The following MCCC1 variants were observed in gnomAD, a reference collection of about 807,000 sequenced individuals.
MCCC1 encodes methylcrotonyl-CoA carboxylase subunit 1.
A neutral mutation model predicts 83.8 loss-of-function variants in MCCC1; 64 were observed. That is an observed-to-expected ratio of 0.76 (90% CI 0.62 to 0.94). The LOEUF is 0.94. Ranked by LOEUF, MCCC1 falls within the 40% of genes least tolerant of loss-of-function variation. The probability of loss-of-function intolerance (pLI) is 0.00; values close to 1 mark genes in which losing one functional copy is unlikely to be tolerated. For synonymous variants in MCCC1, 322 were observed against 315.4 expected (o/e 1.02, Z -0.22); for missense variants, 807 against 904.7 (o/e 0.89, Z 1.39).
chr3:183,060,045 C>G (rs1200378036), intron 7 of MCCC1, among the ~76,000 whole-genome samples: 1 of 152,110 alleles, frequency 6.6e-6, no homozygotes, highest in Non-Finnish European at 1.5e-5. Context: ...AAATTCTTGG[C>G]CATTACTACT....
At chr3:183,108,106 T>A (rs1247451006) in intron 1 of MCCC1, among the ~76,000 whole-genome samples, 1 of 152,218 alleles carries the variant, frequency 6.6e-6, no homozygotes, top group Non-Finnish European at 1.5e-5. Context: ...ATTGGCTTAA[T>A]GTTATTACGC....
At chr3:183,052,583 C>A (rs376355395) in intron 8 of MCCC1, among the ~76,000 whole-genome samples, 1 of 151,800 alleles carries the variant, frequency 6.6e-6, no homozygotes, top group Non-Finnish European at 1.5e-5. Flanking sequence ...CTGAGGCGGG[C>A]GGATCACAAG....
At chr3:183,076,704 T>G (rs1468018770) in intron 4 of MCCC1, among the ~76,000 whole-genome samples, 2 of 152,248 alleles carry the variant, frequency 1.3e-5, no homozygotes, top group African/African-American at 4.8e-5. Context: ...AGTGGGTGCA[T>G]AGTGTTACTG....
intron 3 of MCCC1, chr3:183,090,999 T>A (rs977703163): frequency 2.2e-6 from 1 of 456,548 alleles, no homozygotes; most frequent in African/African-American, 2.0e-5. Context: ...GGAACCTCAA[T>A]TTTATTTTCT....
At chr3:183,082,922 C>T (rs1300744352) in intron 4 of MCCC1, among the ~76,000 whole-genome samples, 1 of 151,862 alleles carries the variant, frequency 6.6e-6, no homozygotes, top group African/African-American at 2.4e-5. Flanking sequence ...TCCATGAGTT[C>T]AAGGCTGCAG....
At chr3:183,069,578 T>C (rs895316530) in intron 7 of MCCC1, among the ~76,000 whole-genome samples, 1 of 152,144 alleles carries the variant, frequency 6.6e-6, no homozygotes, top group Non-Finnish European at 1.5e-5. Flanking sequence ...GGGGGTCTTC[T>C]CTAAGGAGAA....
chr3:183,029,061 T>C lies in MCCC1; in HGVS notation c.1682-3257A>G, dbSNP rs142045329. ...AAGTATAATATAAACATAACTTTTA[T>C]ATGCATGAGGAAACCAAAAACTTTG... On this transcript the variant is annotated intron_variant, in intron 14 of 18. Transcript: ENST00000265594. The C allele has an allele frequency of 6.6e-5, 10 of 152,336 alleles. No individual in the cohort carries two copies. In the East Asian group the frequency reaches 1.9e-3, roughly 29 times the overall value. The allele number at this position is 152,336 out of a possible 1,614,324, so 9.4% of individuals were successfully genotyped here.
rs552361516 is a variant in MCCC1, at chr3:183,075,158, G to C, written c.370-2671C>G. 4.6e-4 allele frequency among the ~76,000 whole-genome samples: 70 copies of C among 152,286 alleles called. 1 individual carries two copies. The highest frequency in any genetic ancestry group is 1.7e-3 in the African/African-American group (70 of 41,540). On this transcript the variant is annotated intron_variant, in intron 4 of 18. Coordinates refer to ENST00000265594, the MANE Select transcript of MCCC1 (RefSeq NM_020166.5). The stretch of plus-strand genomic sequence containing the variant: ...GCTGATTCAATGACTTTGCTATTGT[G>C]AATGATGCAATGAACATACATGCAC...
In MCCC1 at chr3:183,099,355, G is replaced by A; in HGVS notation, c.86C>T (p.Pro29Leu). The change falls in exon 1 of 19, where the codon CCG becomes CTG. Residue 29 changes from proline (P) to leucine (L), a missense_variant. Pro to Leu is a moderately conservative substitution (Grantham distance 98). Coordinates refer to ENST00000265594, the MANE Select transcript of MCCC1 (RefSeq NM_020166.5). ...WHRLPSLLLP[P>L]RTWVWRQRTM... is the part of the protein sequence containing the mutation. ...GAGCCATGGCCCCTCCACCCACCTCGGCGGCAGGAGCAGGCTCGGGAGACG... is the reference window on the plus strand; with the variant it reads ...GAGCCATGGCCCCTCCACCCACCTCAGCGGCAGGAGCAGGCTCGGGAGACG... 4 of 1,598,346 alleles carry A rather than the reference G, an allele frequency of 2.5e-6. No individual in the cohort carries two copies. The highest frequency in any genetic ancestry group is 3.4e-6 in the Non-Finnish European group (4 of 1,174,732).
chr3:183,080,881 A>G (rs917640101), intron 4 of MCCC1, among the ~76,000 whole-genome samples: 1 of 152,190 alleles, frequency 6.6e-6, no homozygotes, highest in Admixed American at 6.5e-5. Flanking sequence ...GTTTCTTAAA[A>G]CTATCAGACC....
chr3:183,025,696 T>C, intron 15 of MCCC1, 59 bp downstream of exon 15: 1 of 1,391,562 alleles, frequency 7.2e-7, no homozygotes. Flanking sequence ...AAGACCCTAT[T>C]CAGTATAAAA....
chr3:183,050,920 T>C (rs537019564), intron 9 of MCCC1, among the ~76,000 whole-genome samples: 2 of 152,254 alleles, frequency 1.3e-5, no homozygotes, highest in South Asian at 4.1e-4. Context: ...AGATGGCAAG[T>C]ATGCATATGA....
rs781171072 is a variant in MCCC1, at chr3:183,086,713, C to A, written c.349G>T (p.Ala117Ser). The change falls in exon 4 of 19, where the codon GCC becomes TCC. Residue 117 changes from alanine to serine, a missense_variant. Physicochemically the swap from Ala to Ser is moderately conservative, Grantham distance 99. Coordinates refer to ENST00000265594, the MANE Select transcript of MCCC1 (RefSeq NM_020166.5). ...YLSMEKIIQV[A>S]KTSAAQAIHP... ...CTCACCTGTGCAGCAGAGGTCTTGG[C>A]CACTTGAATGATTTTCTCCATAGAT... The A allele has an allele frequency of 3.1e-6, 5 of 1,614,146 alleles. No homozygotes were observed. Among genetic ancestry groups the A allele is most frequent in the Non-Finnish European group, 4.2e-6 (5 of 1,180,008 alleles).
intron 4 of MCCC1, among the ~76,000 whole-genome samples, chr3:183,074,820 G>C (rs558637645): frequency 3.9e-5 from 6 of 152,142 alleles, no homozygotes; most frequent in Non-Finnish European, 7.3e-5. Context: ...CGTCACCCAG[G>C]TATTAAGCCC....
chr3:183,113,725 A>T (rs142966912), intron 1 of MCCC1, among the ~76,000 whole-genome samples: 1,940 of 152,054 alleles, frequency 0.013, 34 homozygotes, highest in African/African-American at 0.043. Flanking sequence ...AAAAAAATTT[A>T]AAAAAAGGGT....
chr3:183,049,456 C>A (rs1482720786), intron 9 of MCCC1, among the ~76,000 whole-genome samples: 27 of 151,524 alleles, frequency 1.8e-4, no homozygotes, highest in Admixed American at 1.8e-3. Context: ...CTGTAGTTCC[C>A]AGCTACTCGG....
rs533460030 is a variant in MCCC1, at chr3:183,053,678, G to A, written c.874-1438C>T. Among the ~76,000 whole-genome samples, 11 of 150,182 alleles carry A rather than the reference G, an allele frequency of 7.3e-5. No individual in the cohort carries two copies. In the East Asian group the frequency reaches 1.6e-3, roughly 22 times the overall value. ...AAATTAGCCGGGTGTGGTGGCAGGC[G>A]CCTGTAGTCCCAGCTACTCTGGAGG... On this transcript the variant is annotated intron_variant, in intron 8 of 18. Coordinates refer to ENST00000265594, the MANE Select transcript of MCCC1 (RefSeq NM_020166.5).
Position 183,099,496 on chromosome 3 carries a change from C to T in MCCC1, c.-56G>A, listed in dbSNP as rs1577377013. 6.4e-7 allele frequency: 1 copy of T among 1,553,538 alleles called. No homozygotes were observed. The highest frequency in any genetic ancestry group is 8.7e-7 in the Non-Finnish European group (1 of 1,148,762). ...CCAGTACAGAGGCAGCTGCGTCCCA[C>T]ACGCCAAACCCGTTCCTCCACTACG... On this transcript the variant is annotated 5_prime_UTR_variant, in exon 1 of 19. In the 5' UTR this introduces an upstream ATG that the reference lacks. Coordinates refer to ENST00000265594, the MANE Select transcript of MCCC1 (RefSeq NM_020166.5).
intron 1 of MCCC1, chr3:183,098,405 TAATTC>T (rs1718899152): frequency 6.6e-6 from 1 of 152,250 alleles, no homozygotes; most frequent in Non-Finnish European, 1.5e-5. Flanking sequence ...TTCCATGAAT[TAATTC>T]ATTTAGTTTT....
Sources: allele counts gnomAD v4.1 joint callset (sites outside exome capture counted in the v4.1 genomes callset), GRCh38; gene constraint gnomAD v4.1.1; transcripts MANE v1.5; gene names NCBI Gene and HGNC (gene_info 2026-07-23, HGNC 2026-07-21).